Variants in ZDHHC14 observed in about 807,000 individuals in gnomAD.
ZDHHC14 encodes zDHHC palmitoyltransferase 14, also known as palmitoyltransferase ZDHHC14.
Under a neutral mutation model 47.7 loss-of-function variants are expected in ZDHHC14, and 16 were observed. The observed-to-expected ratio is 0.34, with a 90% CI of 0.23 to 0.51. ZDHHC14 has a LOEUF of 0.51. ZDHHC14 is among the 20% of genes least tolerant of loss of function. The pLI, the probability that ZDHHC14 is intolerant of heterozygous loss-of-function variation, is 0.97. For missense variants in ZDHHC14, 515 were observed against 662.5 expected, an observed-to-expected ratio of 0.78 and a Z score of 2.44; for synonymous variants, 293 against 278.9, an observed-to-expected ratio of 1.05 and a Z score of -0.50.
At chr6:157,659,051 A>G (rs191670581) in intron 8 of ZDHHC14, among the ~76,000 whole-genome samples, 42 of 152,326 alleles carry the variant, frequency 2.8e-4, no homozygotes, top group Middle Eastern at 6.8e-3. Context: ...GTGTCTTTCT[A>G]GGAATTTATC....
chr6:157,467,277 T>G (rs959868103), intron 1 of ZDHHC14, among the ~76,000 whole-genome samples: 1 of 152,096 alleles, frequency 6.6e-6, no homozygotes, highest in African/African-American at 2.4e-5. Context: ...AACCTTTTCA[T>G]TGCCCTAAAA....
intron 1 of ZDHHC14, among the ~76,000 whole-genome samples, chr6:157,435,260 G>A (rs559218376): frequency 5.2e-4 from 79 of 152,302 alleles, no homozygotes; most frequent in African/African-American, 1.7e-3. Context: ...GCAGGTTGCC[G>A]TCTAATCCAG....
chr6:157,651,911 C>A (rs663900), intron 7 of ZDHHC14, among the ~76,000 whole-genome samples: 1 of 148,234 alleles, frequency 6.7e-6, no homozygotes, highest in East Asian at 2.0e-4. Flanking sequence ...CCATGAGATC[C>A]ACACCTGGAC....
chr6:157,650,058 C>T (rs1777748998), intron 7 of ZDHHC14, among the ~76,000 whole-genome samples: 1 of 151,008 alleles, frequency 6.6e-6, no homozygotes, highest in Non-Finnish European at 1.5e-5. Context: ...TGGCTCTGTG[C>T]CAGGCGCTGT....
chr6:157,497,060 C>G (rs1780084065), intron 1 of ZDHHC14, among the ~76,000 whole-genome samples: 1 of 152,186 alleles, frequency 6.6e-6, no homozygotes. Context: ...TGCGGGACTA[C>G]AGTCCAGGGG....
intron 7 of ZDHHC14, among the ~76,000 whole-genome samples, chr6:157,651,911 C>G (rs663900): frequency 0.33 from 48,483 of 148,310 alleles, 8,304 homozygotes; most frequent in Non-Finnish European, 0.41. Context: ...CCATGAGATC[C>G]ACACCTGGAC....
At chr6:157,547,121 G>T (rs1351325780) in intron 2 of ZDHHC14, among the ~76,000 whole-genome samples, 1 of 152,212 alleles carries the variant, frequency 6.6e-6, no homozygotes, top group Non-Finnish European at 1.5e-5. Flanking sequence ...CTCTGTACAT[G>T]TTGCTGACGA....
intron 2 of ZDHHC14, among the ~76,000 whole-genome samples, chr6:157,550,470 C>G (rs1782182095): frequency 6.6e-6 from 1 of 151,788 alleles, no homozygotes; most frequent in South Asian, 2.1e-4. Flanking sequence ...CACAGGCACT[C>G]TAGAGAGACC....
At chr6:157,556,717 C>CT (rs1313477670) in intron 2 of ZDHHC14, among the ~76,000 whole-genome samples, 2 of 152,016 alleles carry the variant, frequency 1.3e-5, no homozygotes, top group African/African-American at 2.4e-5. Context: ...GCCGAGGCCC[C>CT]GGGGCTGGAA....
intron 1 of ZDHHC14, among the ~76,000 whole-genome samples, chr6:157,492,009 G>A (rs1046169125): frequency 6.6e-6 from 1 of 152,356 alleles, no homozygotes; most frequent in Admixed American, 6.5e-5. Flanking sequence ...GGAAGCCGGG[G>A]CTCCCCGCCA....
chr6:157,527,902 C>T (rs943538561), intron 1 of ZDHHC14, among the ~76,000 whole-genome samples: 2 of 152,146 alleles, frequency 1.3e-5, no homozygotes, highest in African/African-American at 4.8e-5. Context: ...GCTTTCTGAT[C>T]CTTCTCTCTC....
chr6:157,599,224 A>T (rs1339897002), intron 3 of ZDHHC14, among the ~76,000 whole-genome samples: 1 of 152,206 alleles, frequency 6.6e-6, no homozygotes, highest in Non-Finnish European at 1.5e-5. Flanking sequence ...TAGAATCAAC[A>T]AGGAGGCTGG....
chr6:157,645,314 T>C (rs938600632), intron 5 of ZDHHC14, among the ~76,000 whole-genome samples: 1 of 152,102 alleles, frequency 6.6e-6, no homozygotes, highest in African/African-American at 2.4e-5. Context: ...GAGTCTGTGA[T>C]TGATGTGCGA....
At chr6:157,634,508 G>T (rs1242024662) in intron 5 of ZDHHC14, among the ~76,000 whole-genome samples, 1 of 152,134 alleles carries the variant, frequency 6.6e-6, no homozygotes, top group Non-Finnish European at 1.5e-5. Flanking sequence ...AGAGAACATT[G>T]CTTCCTCAAA....
At chr6:157,552,147 G>T (rs1782259742) in intron 2 of ZDHHC14, among the ~76,000 whole-genome samples, 1 of 152,082 alleles carries the variant, frequency 6.6e-6, no homozygotes, top group African/African-American at 2.4e-5. Flanking sequence ...CAAACTGTAG[G>T]TACTGCAAAA....
chr6:157,439,833 A>G (rs181871616), intron 1 of ZDHHC14, among the ~76,000 whole-genome samples: 1 of 152,216 alleles, frequency 6.6e-6, no homozygotes, highest in Non-Finnish European at 1.5e-5. Flanking sequence ...GCTGCTGTAA[A>G]AGCAGACAAG....
intron 2 of ZDHHC14, among the ~76,000 whole-genome samples, chr6:157,577,773 C>T (rs1218543008): frequency 6.6e-6 from 1 of 152,254 alleles, no homozygotes; most frequent in Non-Finnish European, 1.5e-5. Flanking sequence ...TGGTCTCAAA[C>T]TCCTGAACCT....
rs1780221494 is a variant in ZDHHC14 at position 157,502,858 on chromosome 6, T to G, written c.246-39727T>G. On this transcript the variant is annotated intron_variant, in intron 1 of 8. Transcript: ENST00000359775. The surrounding 1 kb of genome is among the most constrained non-coding windows in gnomAD (Gnocchi z 4.0). ...GGTGCCCATCACCATGCCCAGCTAATTTTTGTATTTTTAATAGAGATGGGG... is the reference window on the plus strand; with the variant it reads ...GGTGCCCATCACCATGCCCAGCTAAGTTTTGTATTTTTAATAGAGATGGGG... 6.6e-6 allele frequency among the ~76,000 whole-genome samples: 1 copy of G among 152,042 alleles called. No homozygotes were observed. The highest frequency in any genetic ancestry group is 6.6e-5 in the Admixed American group (1 of 15,266).
At chr6:157,409,791 CT>C (rs1339328078) in intron 1 of ZDHHC14, among the ~76,000 whole-genome samples, 1 of 152,010 alleles carries the variant, frequency 6.6e-6, no homozygotes, top group Non-Finnish European at 1.5e-5. Flanking sequence ...GGTTGGTCTT[CT>C]GCCTCACTGG....
Sources: gnomAD v4.1 joint callset for allele counts (sites outside exome capture counted in the v4.1 genomes callset) on GRCh38, gnomAD v4.1.1 for gene constraint, Gnocchi (gnomAD v3.1) non-coding constraint, MANE v1.5 for transcripts, NCBI Gene and HGNC (gene_info 2026-07-23, HGNC 2026-07-21) for gene names.